Variants in PABPN1L observed in about 807,000 individuals in gnomAD.
The protein encoded by PABPN1L is PABPN1 like, cytoplasmic.
PABPN1L carries 45 observed loss-of-function variants against 34.0 expected under a neutral mutation model. The observed-to-expected ratio is 1.32, with a 90% CI of 1.04 to 1.70. The LOEUF is 1.70. Ranked by LOEUF, PABPN1L falls within the 40% of genes most tolerant of loss-of-function variation. The pLI is 0.00. For missense variants in PABPN1L, 459 were observed against 367.8 expected, an observed-to-expected ratio of 1.25 and a Z score of -2.03; for synonymous variants, 182 against 152.1, an observed-to-expected ratio of 1.20 and a Z score of -1.45.
chr16:88,866,803 A>T, upstream of PABPN1L: 1 of 714,356 alleles, frequency 1.4e-6, no homozygotes, highest in East Asian at 2.8e-5. Flanking sequence ...TCACTCGGAC[A>T]GGTACCTCCA....
chr16:88,865,028 G>T, exon 4 of PABPN1L: 1 of 1,599,694 alleles, frequency 6.3e-7, no homozygotes, highest in East Asian at 2.3e-5. Context: ...TGACCCCTTG[G>T]GGTGTCCAGA....
At chr16:88,864,121 C>A in intron 6 of PABPN1L, 116 bp downstream of exon 6, 1 of 1,351,844 alleles carries the variant, frequency 7.4e-7, no homozygotes, top group Non-Finnish European at 9.8e-7. Flanking sequence ...TCACCCAGGC[C>A]CCGCCAGGTA....
chr16:88,868,408 G>T (rs995438708), upstream of PABPN1L, among the ~76,000 whole-genome samples: 1 of 152,120 alleles, frequency 6.6e-6, no homozygotes, highest in Non-Finnish European at 1.5e-5. Context: ...TTCAAAACCA[G>T]CCTGGCCAAC....
chr16:88,865,687 C>G (rs775090645), intron 2 of PABPN1L, 57 bp from the exon 3 acceptor site: 44 of 1,558,298 alleles, frequency 2.8e-5, no homozygotes, highest in Non-Finnish European at 3.7e-5. Context: ...ACTCCTCTCA[C>G]GGGGAAGGTC....
chr16:88,864,813 T>C, intron 5 of PABPN1L, 40 bp downstream of exon 5: 1 of 1,547,718 alleles, frequency 6.5e-7, no homozygotes, highest in Non-Finnish European at 8.8e-7. Context: ...GGCCAGCCCC[T>C]CTGCGCTCAT....
At chr16:88,863,844 G>T in intron 6 of PABPN1L, 49 bp from the exon 7 acceptor site, 1 of 1,515,322 alleles carries the variant, frequency 6.6e-7, no homozygotes, top group Non-Finnish European at 8.9e-7. Flanking sequence ...AGGAGAAGGG[G>T]TGGTGGCCCA....
chr16:88,867,687 G>A (rs142375610), upstream of PABPN1L, among the ~76,000 whole-genome samples: 155 of 152,282 alleles, frequency 1.0e-3, no homozygotes, highest in Non-Finnish European at 1.6e-3. Context: ...GTGGGCATCC[G>A]GTGGTGTCTG....
At chr16:88,864,411 A>G (rs1165474948) in intron 5 of PABPN1L, 32 bp from the exon 6 acceptor site, 10 of 1,545,062 alleles carry the variant, frequency 6.5e-6, no homozygotes, top group Non-Finnish European at 7.9e-6. Flanking sequence ...AGTCCTCCTC[A>G]AGGAGCAGCC....
chr16:88,866,317 C>T (rs992594495), intron 1 of PABPN1L, 35 bp downstream of exon 1: 1 of 1,535,220 alleles, frequency 6.5e-7, no homozygotes, highest in Non-Finnish European at 8.8e-7. Context: ...GCCCCAGGTC[C>T]CCTGAGATCC....
upstream of PABPN1L, among the ~76,000 whole-genome samples, chr16:88,867,869 TCTTACC>T (rs1304789324): frequency 6.6e-6 from 1 of 152,094 alleles, no homozygotes. Flanking sequence ...CATGCATGGC[TCTTACC>T]CCTGCCATTG....
chr16:88,868,647 T>C (rs981823317), upstream of PABPN1L, among the ~76,000 whole-genome samples: 4 of 151,948 alleles, frequency 2.6e-5, no homozygotes, highest in Admixed American at 2.0e-4. Flanking sequence ...TGGAGACTTT[T>C]ATACTTAAAG....
upstream of PABPN1L, among the ~76,000 whole-genome samples, chr16:88,868,870 C>G (rs73254213): frequency 7.9e-3 from 1,209 of 152,286 alleles, 21 homozygotes; most frequent in African/African-American, 0.028. Flanking sequence ...GAATAGGAAG[C>G]TGGCAGGTTC....
chr16:88,865,902 G>A lies in PABPN1L; in HGVS notation c.295C>T (p.Gln99Ter). 1.9e-6 allele frequency: 3 copies of A among 1,609,254 alleles called. No individual in the cohort carries two copies. The highest frequency in any genetic ancestry group is 2.5e-6 in the Non-Finnish European group (3 of 1,179,488). Residue 99 changes from glutamine to a stop codon, truncating the protein, a stop_gained, in exon 2 of 7, where the codon CAG becomes TAG. Coordinates refer to ENST00000419291, the Ensembl canonical transcript of PABPN1L. LOFTEE classifies it high-confidence loss of function. ...GGAGGCCGTGGCGTCCCCTCGGCCT[G>A]CTCCATGGCACACACCTTCATCTTG... is the stretch of plus-strand genomic sequence containing the variant.
intron 5 of PABPN1L, 138 bp downstream of exon 5, chr16:88,864,715 T>A (rs3859022): frequency 0.029 from 30,139 of 1,029,274 alleles, 1,058 homozygotes; most frequent in African/African-American, 0.16. Context: ...TCCCGCCACA[T>A]CCTGTCCAGG....
chr16:88,866,769 G>T, upstream of PABPN1L: 1 of 1,014,310 alleles, frequency 9.9e-7, no homozygotes, highest in Non-Finnish European at 1.4e-6. Flanking sequence ...TCCAGCCTTG[G>T]CTCCCGGCCC....
exon 6 of PABPN1L, chr16:88,864,237 C>T (rs545706965): frequency 8.1e-5 from 126 of 1,558,172 alleles, no homozygotes; most frequent in South Asian, 5.0e-4. Context: ...ACCCACTCAC[C>T]GGTTCTGCCC....
At chr16:88,868,116 G>A (rs528133958), upstream of PABPN1L, among the ~76,000 whole-genome samples, 2 of 152,270 alleles carry the variant, frequency 1.3e-5, no homozygotes, top group Admixed American at 6.5e-5. Context: ...GGGAGCAGGT[G>A]GACATGGAGG....
chr16:88,863,513 G>A, exon 7 of PABPN1L: 1 of 605,052 alleles, frequency 1.7e-6, no homozygotes, highest in Non-Finnish European at 3.0e-6. Flanking sequence ...GATCCCCGTG[G>A]GGCCCATGCC....
rs765753168 is a variant in PABPN1L at position 88,865,003 on chromosome 16, C to A, written c.566+19G>T. 6 of 1,598,286 alleles carry A rather than the reference C, an allele frequency of 3.8e-6. No homozygotes were observed. The highest frequency in any genetic ancestry group is 5.1e-6 in the Non-Finnish European group (6 of 1,173,074). ...GCCCTGTCCGCATGGCCAGTGCCCCCACCAGGCCCCACACTGACCCCTTGG... is the reference window on the plus strand; with the variant it reads ...GCCCTGTCCGCATGGCCAGTGCCCCAACCAGGCCCCACACTGACCCCTTGG... On this transcript the variant is annotated intron_variant, in intron 4 of 6. Coordinates refer to ENST00000419291, the Ensembl canonical transcript of PABPN1L.
Sources: gnomAD v4.1 joint callset for allele counts (sites outside exome capture counted in the v4.1 genomes callset) on GRCh38, gnomAD v4.1.1 for gene constraint, MANE v1.5 for transcripts, NCBI Gene and HGNC (gene_info 2026-07-23, HGNC 2026-07-21) for gene names.